Variants in EFHD2 observed in about 807,000 individuals in gnomAD.
The protein encoded by EFHD2 is EF-hand domain-containing protein D2.
EFHD2 carries 12 observed loss-of-function variants against 20.3 expected under a neutral mutation model. The ratio of observed to expected loss-of-function variants is 0.59; its 90% CI spans 0.38 to 0.96. The LOEUF is 0.96. Among genes scored for constraint, EFHD2 ranks in the 40% least tolerant of loss-of-function variants. EFHD2 has a pLI of 0.00. For missense variants in EFHD2, 250 were observed against 334.3 expected (o/e 0.75, Z 1.97); for synonymous variants, 131 against 143.9 (o/e 0.91, Z 0.64).
chr1:15,415,980 G>A (rs552767625), intron 1 of EFHD2, among the ~76,000 whole-genome samples: 12 of 152,208 alleles, frequency 7.9e-5, no homozygotes, highest in African/African-American at 2.9e-4. Flanking sequence ...GCCTTAGAGA[G>A]GTGGAGAGGT....
chr1:15,413,956 C>T lies in EFHD2; in HGVS notation c.308+3677C>T, dbSNP rs1049886707. On this transcript the variant is annotated intron_variant, in intron 1 of 3. Coordinates refer to ENST00000375980, the MANE Select transcript of EFHD2 (RefSeq NM_024329.6). The surrounding 1 kb of genome is among the most constrained non-coding windows in gnomAD (Gnocchi z 4.4). ...CAGCTGCTCCCTCCCTCTCTTTGCT[C>T]CTCCAGGGCTGGCTCTGGAACCCTC... is the stretch of plus-strand genomic sequence containing the variant. Among the ~76,000 whole-genome samples, 1 of 152,232 alleles carries T rather than the reference C, an allele frequency of 6.6e-6. No homozygotes were observed. Among genetic ancestry groups the T allele is most frequent in the Non-Finnish European group, 1.5e-5 (1 of 68,038 alleles).
At chr1:15,410,636 C>T (rs1707471463) in intron 1 of EFHD2, among the ~76,000 whole-genome samples, 1 of 151,784 alleles carries the variant, frequency 6.6e-6, no homozygotes, top group Non-Finnish European at 1.5e-5. Context: ...GGTCCCGGGC[C>T]CTCCGCGCTG....
At chr1:15,422,786 A>AGGCAGAGCTTGGAGTGAACCCG (rs1557500863) in intron 1 of EFHD2, among the ~76,000 whole-genome samples, 63 of 152,194 alleles carry the variant, frequency 4.1e-4, no homozygotes, top group African/African-American at 1.5e-3. Flanking sequence ...GAGTGAACCC[A>AGGCAGAGCTTGGAGTGAACCCG]GGAGGCAGAG....
Position 15,429,134 on chromosome 1 carries a change from C to A in EFHD2, c.*410C>A. Reference sequence around the variant, plus strand: ...ACCCCTGCCCTCCTCCAGCAGGCCGCACCGCCCCTGGGGCCCCCTGCCAGC... The same window carrying A: ...ACCCCTGCCCTCCTCCAGCAGGCCGAACCGCCCCTGGGGCCCCCTGCCAGC... On this transcript the variant is annotated 3_prime_UTR_variant, in exon 4 of 4. Transcript: ENST00000375980. 4.9e-6 allele frequency: 1 copy of A among 202,742 alleles called. No homozygotes were observed. The highest frequency in any genetic ancestry group is 1.0e-5 in the Non-Finnish European group (1 of 98,338). 12.6% of individuals were successfully genotyped at this position (202,742 alleles called of 1,614,324 possible). A position where few individuals can be genotyped will look rare whatever the true frequency, so the allele number is the denominator to read the frequency against.
rs1042041437 is a variant in EFHD2, at chr1:15,413,661, C to T, written c.308+3382C>T. Among the ~76,000 whole-genome samples the T allele has an allele frequency of 2.6e-5, 4 of 152,152 alleles. No individual in the cohort carries two copies. The highest frequency in any genetic ancestry group is 9.7e-5 in the African/African-American group (4 of 41,420). On this transcript the variant is annotated intron_variant, in intron 1 of 3. Coordinates refer to ENST00000375980, the MANE Select transcript of EFHD2 (RefSeq NM_024329.6). This position sits in a 1 kb window ranked among gnomAD's most constrained non-coding sequence, Gnocchi z 4.4. ...TGAAGGGTTGACTCCAACCCCTCTC[C>T]CCATTTGACAGAAGAGGGAACCAAG...
intron 1 of EFHD2, among the ~76,000 whole-genome samples, chr1:15,412,237 G>A (rs997194287): frequency 3.3e-5 from 5 of 151,730 alleles, no homozygotes; most frequent in Admixed American, 6.6e-5. Context: ...GTGGGCAGAC[G>A]CAGGGGTGGG....
At chr1:15,418,542 T>C (rs1329402539) in intron 1 of EFHD2, among the ~76,000 whole-genome samples, 2 of 151,934 alleles carry the variant, frequency 1.3e-5, no homozygotes, top group Non-Finnish European at 2.9e-5. Flanking sequence ...CCTGACCTTG[T>C]GATCCGCCCG....
chr1:15,412,557 C>T (rs1707554088), intron 1 of EFHD2, among the ~76,000 whole-genome samples: 1 of 152,188 alleles, frequency 6.6e-6, no homozygotes. Flanking sequence ...CACCCGCTTC[C>T]GTGTTCGTGG....
At chr1:15,412,905 T>C (rs2103269952) in intron 1 of EFHD2, among the ~76,000 whole-genome samples, 1 of 152,310 alleles carries the variant, frequency 6.6e-6, no homozygotes, top group South Asian at 2.1e-4. Context: ...CCTGCACTTC[T>C]TGCCAGGGTT....
rs763973860 is a variant in EFHD2, at chr1:15,410,140, G to T, written c.169G>T (p.Ala57Ser). 1.3e-5 allele frequency: 20 copies of T among 1,592,032 alleles called. No homozygotes were observed. The highest frequency in any genetic ancestry group is 1.7e-6 in the Non-Finnish European group (2 of 1,171,728). The change falls in exon 1 of 4, where the codon GCC (alanine) becomes TCC (serine). Residue 57 changes from alanine (A) to serine (S), a missense_variant. By Grantham distance (99) the Ala-to-Ser change is moderately conservative (BLOSUM62 1). This residue lies in a region of EFHD2 where 143 missense variants were observed against 190.6 expected (regional missense o/e 0.75). Transcript: ENST00000375980. Reference sequence around the variant, plus strand: ...GGGCAGCGCGGACTGCGAGCTGAGCGCCAAGCTGCTGCGGCGCGCAGACCT... The same window carrying T: ...GGGCAGCGCGGACTGCGAGCTGAGCTCCAAGCTGCTGCGGCGCGCAGACCT... ...ALGSADCELS[A>S]KLLRRADLNQ... is the part of the protein sequence containing the mutation.
rs1381882498 is a variant in EFHD2, at chr1:15,430,179, A to T, written c.*1455A>T. 1.3e-5 allele frequency: 2 copies of T among 152,496 alleles called. No individual in the cohort carries two copies. Among genetic ancestry groups the T allele is most frequent in the Non-Finnish European group, 2.9e-5 (2 of 68,122 alleles). The allele number at this position is 152,496 out of a possible 1,614,324, so 9.4% of individuals were successfully genotyped here. On this transcript the variant is annotated 3_prime_UTR_variant, in exon 4 of 4. Transcript: ENST00000375980. ...TTTGCCTTAGCGGATATGTTTATAC[A>T]GATGAATATAAAATGTTTTTTTCTT...
In EFHD2 at chr1:15,409,940, G is replaced by A; in HGVS notation, c.-32G>A. 4 of 1,221,340 alleles carry A rather than the reference G, an allele frequency of 3.3e-6. No individual in the cohort carries two copies. The highest frequency in any genetic ancestry group is 7.6e-5 in the South Asian group (2 of 26,196). The allele number at this position is 1,221,340 out of a possible 1,614,324, so 75.7% of individuals were successfully genotyped here. On this transcript the variant is annotated 5_prime_UTR_variant, in exon 1 of 4. Coordinates refer to ENST00000375980, the MANE Select transcript of EFHD2 (RefSeq NM_024329.6). ...CGGCGGCGCTGCGCTGAGAGCAGGGGCCCGGCCAAGGCGAGTGCCGCGCGG... is the reference window on the plus strand; with the variant it reads ...CGGCGGCGCTGCGCTGAGAGCAGGGACCCGGCCAAGGCGAGTGCCGCGCGG...
chr1:15,425,052 G>A (rs1707851045), intron 1 of EFHD2, among the ~76,000 whole-genome samples: 1 of 152,174 alleles, frequency 6.6e-6, no homozygotes, highest in Admixed American at 6.5e-5. Flanking sequence ...GATTTGTTCT[G>A]TCCAGATTGT....
chr1:15,418,988 G>A (rs912186283), intron 1 of EFHD2, among the ~76,000 whole-genome samples: 7 of 152,264 alleles, frequency 4.6e-5, no homozygotes, highest in Admixed American at 1.3e-4. Flanking sequence ...CATCGTGCCT[G>A]GCACATAGCA....
At chr1:15,420,992 T>G (rs1241568405) in intron 1 of EFHD2, among the ~76,000 whole-genome samples, 1 of 152,194 alleles carries the variant, frequency 6.6e-6, no homozygotes, top group African/African-American at 2.4e-5. Context: ...TAATAATAAC[T>G]GGTTTTTAGT....
In EFHD2 at chr1:15,410,112, G is replaced by A; in HGVS notation, c.141G>A (p.Ala47=). 6.5e-7 allele frequency: 1 copy of A among 1,544,772 alleles called. No homozygotes were observed. The highest frequency in any genetic ancestry group is 8.7e-7 in the Non-Finnish European group (1 of 1,150,582). ...AAGAPDEAAE[A]LGSADCELSA... Reference sequence around the variant, plus strand: ...GGGCACCCGACGAGGCGGCCGAGGCGCTGGGCAGCGCGGACTGCGAGCTGA... The same window carrying A: ...GGGCACCCGACGAGGCGGCCGAGGCACTGGGCAGCGCGGACTGCGAGCTGA... The change falls in exon 1 of 4, where the codon GCG becomes GCA. Residue 47 remains alanine, a synonymous_variant. Transcript: ENST00000375980.
chr1:15,427,832 C>T (rs1272402757), intron 3 of EFHD2: 1 of 458,468 alleles, frequency 2.2e-6, no homozygotes, highest in Non-Finnish European at 4.5e-6. Flanking sequence ...AACATTCCTT[C>T]CAGAGACTGC....
At chr1:15,411,084 G>T (rs1707493241) in intron 1 of EFHD2, among the ~76,000 whole-genome samples, 1 of 151,780 alleles carries the variant, frequency 6.6e-6, no homozygotes, top group African/African-American at 2.4e-5. Context: ...TCCCCTCCGG[G>T]TTTGGAAGGC....
At chr1:15,422,143 A>G (rs1238360442) in intron 1 of EFHD2, among the ~76,000 whole-genome samples, 1 of 125,298 alleles carries the variant, frequency 8.0e-6, no homozygotes, top group Non-Finnish European at 1.6e-5. Context: ...CCCAGGCTGG[A>G]GTGCAGTGGT....
Sources: gnomAD v4.1 joint callset for allele counts (sites outside exome capture counted in the v4.1 genomes callset) on GRCh38, gnomAD v4.1.1 for gene constraint, gnomAD v4.1.1 regional missense constraint, Gnocchi (gnomAD v3.1) non-coding constraint, MANE v1.5 for transcripts, NCBI Gene and HGNC (gene_info 2026-07-23, HGNC 2026-07-21) for gene names.